The following CCDC169 variants were observed in gnomAD, a reference collection of about 807,000 sequenced individuals.
CCDC169 encodes the protein coiled-coil domain containing 169, also known as coiled-coil domain-containing protein 169.
CCDC169 carries 30 observed loss-of-function variants against 36.0 expected under a neutral mutation model. The ratio of observed to expected loss-of-function variants is 0.83; its 90% confidence interval spans 0.62 to 1.13. The LOEUF (loss-of-function observed/expected upper bound fraction) is 1.13. Among genes scored for constraint, CCDC169 ranks in the 50% most tolerant of loss-of-function variants. CCDC169 has a pLI of 0.00. For missense variants in CCDC169, 245 were observed against 245.9 expected, an observed-to-expected ratio of 1.00 and a Z score of 0.03; for synonymous variants, 85 against 81.5, an observed-to-expected ratio of 1.04 and a Z score of -0.23.
chr13:36,224,276 T>C (rs1223658500), downstream of CCDC169: 1 of 151,862 alleles, frequency 6.6e-6, no homozygotes, highest in Non-Finnish European at 1.5e-5. Flanking sequence ...CTGGAAGTGC[T>C]AGCCAGAGCA....
At chr13:36,241,218 T>C (rs1398901149) in intron 7 of CCDC169, among the ~76,000 whole-genome samples, 3 of 152,170 alleles carry the variant, frequency 2.0e-5, no homozygotes, top group Non-Finnish European at 4.4e-5. Context: ...TTAGTACATA[T>C]GAGAATATCA....
chr13:36,284,047 C>T (rs1877872367), intron 2 of CCDC169, among the ~76,000 whole-genome samples: 1 of 151,858 alleles, frequency 6.6e-6, no homozygotes, highest in South Asian at 2.1e-4. Flanking sequence ...TTCCTTGGAA[C>T]TTGAAATACC....
intron 6 of CCDC169, among the ~76,000 whole-genome samples, chr13:36,252,190 C>G (rs1873257772): frequency 6.6e-6 from 1 of 152,172 alleles, no homozygotes. Flanking sequence ...AGCACATAGT[C>G]TGAGGAAAGG....
rs1327310296 is a variant in CCDC169, at chr13:36,230,831, A to C, written c.*362T>G. The C allele has an allele frequency of 2.0e-6, 2 of 992,246 alleles. No individual in the cohort carries two copies. Among genetic ancestry groups the C allele is most frequent in the East Asian group, 1.1e-4 (1 of 9,170 alleles). The allele number at this position is 992,246 out of a possible 1,614,324, so 61.5% of individuals were successfully genotyped here. A position where few individuals can be genotyped will look rare whatever the true frequency, so the allele number is the denominator to read the frequency against. On this transcript the variant is annotated 3_prime_UTR_variant, in exon 8 of 8. Transcript: ENST00000239859. ...TGAGCAAGATCCAGCCCAAAATGGCAAAAAGGTTTTATGAATACACACTTT... is the reference window on the plus strand; with the variant it reads ...TGAGCAAGATCCAGCCCAAAATGGCCAAAAGGTTTTATGAATACACACTTT...
chr13:36,277,275 G>A (rs1305061430), intron 4 of CCDC169, among the ~76,000 whole-genome samples: 1 of 152,020 alleles, frequency 6.6e-6, no homozygotes, highest in Non-Finnish European at 1.5e-5. Flanking sequence ...AGAACACATG[G>A]ACACAGAGAG....
intron 7 of CCDC169, among the ~76,000 whole-genome samples, chr13:36,232,806 T>G (rs1340253550): frequency 6.6e-6 from 1 of 151,808 alleles, no homozygotes; most frequent in African/African-American, 2.4e-5. Flanking sequence ...GGCTGAGACA[T>G]GAGAATCACT....
downstream of CCDC169, chr13:36,227,278 C>T (rs9546785): frequency 0.46 from 717,657 of 1,550,094 alleles, 168,830 homozygotes; most frequent in Non-Finnish European, 0.48. Flanking sequence ...GCTTTTTGTC[C>T]GAGGCATGTC....
chr13:36,268,971 G>A (rs1875687718), intron 4 of CCDC169, among the ~76,000 whole-genome samples: 1 of 152,076 alleles, frequency 6.6e-6, no homozygotes, highest in Non-Finnish European at 1.5e-5. Context: ...TGGGTGTGGT[G>A]GTGAATGCCT....
At chr13:36,227,828 G>A (rs930851990), downstream of CCDC169, among the ~76,000 whole-genome samples, 5 of 152,062 alleles carry the variant, frequency 3.3e-5, no homozygotes, top group East Asian at 1.9e-4. Context: ...CTCCATCACC[G>A]ACCTTCCCCC....
At chr13:36,276,813 G>A (rs1224143903) in intron 4 of CCDC169, among the ~76,000 whole-genome samples, 1 of 152,080 alleles carries the variant, frequency 6.6e-6, no homozygotes, top group East Asian at 1.9e-4. Flanking sequence ...AAGCAAGGCT[G>A]TATTCCACAT....
At chr13:36,267,753 C>T (rs901767614) in intron 4 of CCDC169, among the ~76,000 whole-genome samples, 4 of 151,884 alleles carry the variant, frequency 2.6e-5, no homozygotes, top group African/African-American at 2.4e-5. Flanking sequence ...TAAAAGGGTG[C>T]AAAAAGATAT....
intron 2 of CCDC169, among the ~76,000 whole-genome samples, chr13:36,287,848 A>T (rs774940703): frequency 6.6e-6 from 1 of 151,006 alleles, no homozygotes; most frequent in Admixed American, 6.6e-5. Flanking sequence ...ATCTTTGTGT[A>T]TTTTTTTTTG....
chr13:36,274,064 A>G (rs1876456651), intron 4 of CCDC169, among the ~76,000 whole-genome samples: 1 of 152,052 alleles, frequency 6.6e-6, no homozygotes, highest in Admixed American at 6.6e-5. Context: ...CCTTCTCTAT[A>G]CCTGCTTCCT....
chr13:36,293,686 G>A (rs986254606), intron 2 of CCDC169, among the ~76,000 whole-genome samples: 1 of 152,114 alleles, frequency 6.6e-6, no homozygotes, highest in African/African-American at 2.4e-5. Flanking sequence ...AGCCCTAGCT[G>A]AGCTTCCAGT....
chr13:36,243,130 G>A (rs578103103), intron 7 of CCDC169, among the ~76,000 whole-genome samples: 19 of 152,296 alleles, frequency 1.2e-4, no homozygotes, highest in Admixed American at 3.9e-4. Context: ...CTGCAGCTGC[G>A]CTATAGCCCT....
intron 4 of CCDC169, among the ~76,000 whole-genome samples, chr13:36,271,046 C>A (rs1014564432): frequency 6.6e-6 from 1 of 152,018 alleles, no homozygotes; most frequent in African/African-American, 2.4e-5. Context: ...CTAGAATCTA[C>A]AAGGAACTCA....
At position 36,249,846 on chromosome 13, in the gene CCDC169, G is replaced by A. The variant is rs534079757; in HGVS notation, c.469-1164C>T. 3.9e-5 allele frequency among the ~76,000 whole-genome samples: 6 copies of A among 152,248 alleles called. No homozygotes were observed. The East Asian group carries it at 7.7e-4, about 20-fold the overall frequency. ...TAGTAAATCTGAAAATAAAAAGGAG[G>A]AAAATTGGGTTTCACACCTGATAGA... On this transcript the variant is annotated intron_variant, in intron 6 of 7. Transcript: ENST00000239859.
chr13:36,270,434 T>C (rs1875889689), intron 4 of CCDC169, among the ~76,000 whole-genome samples: 1 of 152,146 alleles, frequency 6.6e-6, no homozygotes, highest in South Asian at 2.1e-4. Flanking sequence ...AAAATTCATA[T>C]TGAACCAAAA....
downstream of CCDC169, chr13:36,225,725 A>C (rs1482241403): frequency 6.6e-6 from 1 of 152,204 alleles, no homozygotes; most frequent in Non-Finnish European, 1.5e-5. Flanking sequence ...AACTGTAAGA[A>C]ACTGAAACAA....
Sources: allele counts gnomAD v4.1 joint callset (sites outside exome capture counted in the v4.1 genomes callset), GRCh38; gene constraint gnomAD v4.1.1; transcripts MANE v1.5; gene names NCBI Gene and HGNC (gene_info 2026-07-23, HGNC 2026-07-21).